POLG: variants seen among roughly 807,000 people sequenced by gnomAD.
POLG encodes the protein DNA polymerase subunit gamma-1.
Under a neutral mutation model 155.4 loss-of-function variants are expected in POLG, and 110 were observed. The ratio of observed to expected loss-of-function variants is 0.71; its 90% CI spans 0.61 to 0.83. POLG has a LOEUF of 0.83. POLG is among the 40% of genes least tolerant of loss of function. POLG has a pLI of 0.00. For missense variants in POLG, 1,685 were observed against 1,627.5 expected (o/e 1.04, Z -0.61); for synonymous variants, 701 against 631.5 (o/e 1.11, Z -1.65).
In POLG at chr15:89,326,655, C is replaced by G. The variant is rs1481695998; in HGVS notation, c.1669G>C (p.Glu557Gln). 20 of 1,613,982 alleles carry G rather than the reference C, an allele frequency of 1.2e-5. No homozygotes were observed. Among genetic ancestry groups the G allele is most frequent in the Non-Finnish European group, 1.7e-5 (20 of 1,180,030 alleles). Residue 557 changes from glutamate to glutamine, a missense_variant, in exon 9 of 23, where the codon GAG (glutamate) becomes CAG (glutamine). Around this residue, in one of 3 missense-constraint regions of POLG, gnomAD observed 1,210 missense variants for 1,167.1 expected, o/e 1.04. Coordinates refer to ENST00000268124, the MANE Select transcript of POLG (RefSeq NM_002693.3). ...ACLQKLKGTT[E>Q]LLPKRPQHLP... ...TGCTGGGGCCGCTTGGGCAGGAGCTCTGTGGTCCCCTTCAGCTTCTGCAAG... is the reference window on the plus strand; with the variant it reads ...TGCTGGGGCCGCTTGGGCAGGAGCTGTGTGGTCCCCTTCAGCTTCTGCAAG...
In POLG at chr15:89,317,509, C is replaced by G. The variant is rs1567184144; in HGVS notation, c.3510G>C (p.Leu1170=). ...TRCMFAYKLG[L]NDLPQSVAFF... is the part of the protein sequence containing the mutation. ...AGGCGACTGACTGGGGCAAGTCATT[C>G]AGACCCAGCTTGTAGGCAAACATGC... Residue 1170 remains leucine, a synonymous_variant, in exon 22 of 23, where the codon CTG becomes CTC. Coordinates refer to ENST00000268124, the MANE Select transcript of POLG (RefSeq NM_002693.3). 7.4e-6 allele frequency: 12 copies of G among 1,614,166 alleles called. No homozygotes were observed. Among genetic ancestry groups the G allele is most frequent in the Non-Finnish European group, 1.0e-5 (12 of 1,180,016 alleles).
intron 22 of POLG, 59 bp from the exon 23 acceptor site, chr15:89,316,886 G>T (rs2055286217): frequency 3.2e-6 from 4 of 1,248,508 alleles, no homozygotes; most frequent in Admixed American, 1.7e-5. Context: ...TGAGAGCTCA[G>T]AAGTGAGCAA....
At chr15:89,325,115 TGAGTGAGTGAGTGAGA>T (rs2055471633) in intron 10 of POLG, among the ~76,000 whole-genome samples, 2 of 29,258 alleles carry the variant, frequency 6.8e-5, no homozygotes, top group Non-Finnish European at 1.2e-4. Flanking sequence ...TGAGAGAGAG[TGAGTGAGTGAGTGAGA>T]GAGTGAGTGA....
chr15:89,318,534 C>A lies in POLG; in HGVS notation c.3482+7G>T, dbSNP rs200309191. 6.2e-7 allele frequency: 1 copy of A among 1,612,188 alleles called. No homozygotes were observed. On this transcript the variant is annotated splice_region_variant and intron_variant, in intron 21 of 22. Transcript: ENST00000268124. Reference sequence around the variant, plus strand: ...TGGCCAGGCTAGAGGCCATGGGCCCCGCATACCTGGTCAAGAGGTTGGTGA... The same window carrying A: ...TGGCCAGGCTAGAGGCCATGGGCCCAGCATACCTGGTCAAGAGGTTGGTGA...
chr15:89,325,415 C>T (rs1367134586), intron 10 of POLG, 35 bp downstream of exon 10: 12 of 1,455,052 alleles, frequency 8.2e-6, no homozygotes, highest in Non-Finnish European at 1.1e-5. Flanking sequence ...GGTCCCTAGG[C>T]TCCAGCCCCT....
Position 89,316,547 on chromosome 15 carries a change from C to T in POLG, c.*204G>A. On this transcript the variant is annotated 3_prime_UTR_variant, in exon 23 of 23. Transcript: ENST00000268124. ...AATGCCCCTTGTCCTGTAGTCCACA[C>T]CGATGTTGGCATCTTGGTTCTGAAC... 2 of 1,356,718 alleles carry T rather than the reference C, an allele frequency of 1.5e-6. No individual in the cohort carries two copies. The highest frequency in any genetic ancestry group is 1.9e-5 in the Admixed American group (1 of 51,356). 84.0% of individuals were successfully genotyped at this position (1,356,718 alleles called of 1,614,324 possible). A position where few individuals can be genotyped will look rare whatever the true frequency, so the allele number is the denominator to read the frequency against.
In POLG at chr15:89,330,072, G is replaced by T. The variant is rs759494484; in HGVS notation, c.855+9C>A. 1.9e-6 allele frequency: 3 copies of T among 1,612,898 alleles called. No homozygotes were observed. In the African/African-American group the frequency reaches 4.0e-5, roughly 22 times the overall value. On this transcript the variant is annotated intron_variant, in intron 3 of 22. Coordinates refer to ENST00000268124, the MANE Select transcript of POLG (RefSeq NM_002693.3). ...TGCCAGAACCTGCAGTTGGCCCCAG[G>T]AACCTTACCTGGATCAGGTACTGCT...
At chr15:89,317,588 G>C in intron 21 of POLG, 52 bp from the exon 22 acceptor site, 10 of 1,563,578 alleles carry the variant, frequency 6.4e-6, no homozygotes, top group Non-Finnish European at 8.8e-6. Context: ...GTGAACAGAT[G>C]CATCACTCCT....
chr15:89,325,213 AGTGAGT>A lies in POLG; in HGVS notation c.1949+231_1949+236del, dbSNP rs2055487854. On this transcript the variant is annotated intron_variant, in intron 10 of 22. Coordinates refer to ENST00000268124, the MANE Select transcript of POLG (RefSeq NM_002693.3). ...GAGTGAGAGAGTGAGTGAGAGAGTG[AGTGAGT>A]GAGAGAGTGAGTGAGAGAGTGAGTG... Among the ~76,000 whole-genome samples, 2 of 73,082 alleles carry A rather than the reference AGTGAGT, an allele frequency of 2.7e-5. 1 individual carries two copies. Among genetic ancestry groups the A allele is most frequent in the African/African-American group, 8.9e-5 (2 of 22,514 alleles). The allele number at this position is 73,082 out of a possible 152,430, so 47.9% of individuals were successfully genotyped here.
At position 89,325,227 on chromosome 15, in the gene POLG, TGAGTGAGA is replaced by T. The variant is rs1165596594; in HGVS notation, c.1949+215_1949+222del. 5.7e-4 allele frequency among the ~76,000 whole-genome samples: 24 copies of T among 41,856 alleles called. 4 individuals are homozygous for T. The highest frequency in any genetic ancestry group is 7.7e-4 in the African/African-American group (8 of 10,394). 27.5% of individuals were successfully genotyped at this position (41,856 alleles called of 152,430 possible). ...GTGAGAGAGTGAGTGAGTGAGAGAG[TGAGTGAGA>T]GAGTGAGTGAGTGAGAGAGAGAGTG... On this transcript the variant is annotated intron_variant, in intron 10 of 22. Transcript: ENST00000268124.
rs1326009837 is a variant in POLG, at chr15:89,325,223, AGAGTGAGTGAGAGAGTGAGTGAGT to A, written c.1949+203_1949+226del. ...GTGAGTGAGAGAGTGAGTGAGTGAG[AGAGTGAGTGAGAGAGTGAGTGAGT>A]GAGAGAGAGAGTGAGTGAGTGAGTG... On this transcript the variant is annotated intron_variant, in intron 10 of 22. Transcript: ENST00000268124. 1.0e-4 allele frequency among the ~76,000 whole-genome samples: 4 copies of A among 38,648 alleles called. 1 individual carries two copies. Among genetic ancestry groups the A allele is most frequent in the African/African-American group, 5.2e-4 (4 of 7,714 alleles). The allele number at this position is 38,648 out of a possible 152,430, so 25.4% of individuals were successfully genotyped here. A position where few individuals can be genotyped will look rare whatever the true frequency, so the allele number is the denominator to read the frequency against.
At chr15:89,319,207 T>C in intron 19 of POLG, 21 bp downstream of exon 19, 1 of 1,614,160 alleles carries the variant, frequency 6.2e-7, no homozygotes. Context: ...CCTCCATCCT[T>C]AACACAAAGA....
chr15:89,323,344 G>C, intron 13 of POLG, 60 bp downstream of exon 13: 1 of 1,063,768 alleles, frequency 9.4e-7, no homozygotes, highest in Non-Finnish European at 1.5e-6. Context: ...CTGAAGGCCT[G>C]CTGTGGGCCT....
chr15:89,325,183 T>G (rs868762760), intron 10 of POLG, among the ~76,000 whole-genome samples: 3 of 45,786 alleles, frequency 6.6e-5, no homozygotes, highest in Non-Finnish European at 1.2e-4. Flanking sequence ...AGTGAGAGAG[T>G]GAGTGAGTGA....
chr15:89,333,179 C>A lies in POLG; in HGVS notation c.576G>T (p.Glu192Asp), dbSNP rs866853042. Residue 192 changes from glutamate (E) to aspartate (D), a missense_variant, in exon 2 of 23, where the codon GAG (glutamate) becomes GAT (aspartate). This residue lies in a region of POLG where 1,210 missense variants were observed against 1,167.1 expected (regional missense o/e 1.04). Coordinates refer to ENST00000268124, the MANE Select transcript of POLG (RefSeq NM_002693.3). ...GEAVPVAIPEERALVFDVEVC... is the reference protein window; with the variant it reads ...GEAVPVAIPEDRALVFDVEVC... ...CCTCCACGTCGAACACCAGGGCCCG[C>A]TCCTCGGGGATGGCCACGGGTACGG... 4 of 1,567,068 alleles carry A rather than the reference C, an allele frequency of 2.6e-6. No homozygotes were observed. In the Middle Eastern group the frequency reaches 6.8e-4, roughly 267 times the overall value.
In POLG at chr15:89,328,773, C is replaced by G; in HGVS notation, c.1082G>C (p.Arg361Thr). The G allele has an allele frequency of 6.2e-7, 1 of 1,614,152 alleles. No homozygotes were observed. The highest frequency in any genetic ancestry group is 1.3e-5 in the African/African-American group (1 of 75,074). The stretch of plus-strand genomic sequence containing the variant: ...TAAGGGAGGCCCCCCTACATAAAGT[C>G]TGTGCACCTCTGCCAGACTGTTGAC... Reference protein sequence around the residue: ...SSVNSLAEVHRLYVGGPPLEK... With the variant: ...SSVNSLAEVHTLYVGGPPLEK... Residue 361 changes from arginine to threonine, a missense_variant, in exon 5 of 23, where the codon AGA becomes ACA. Physicochemically the swap from Arg to Thr is moderately conservative, Grantham distance 71. This residue lies in a region of POLG where 1,210 missense variants were observed against 1,167.1 expected (regional missense o/e 1.04). Transcript: ENST00000268124.
chr15:89,329,196 CCAGCCCCACCTCAGCTCCTCAAA>C, intron 3 of POLG, 86 bp from the exon 4 acceptor site: 1 of 1,139,782 alleles, frequency 8.8e-7, no homozygotes. Context: ...GTGTGGACCT[CCAGCCCCACCTCAGCTCCTCAAA>C]CAGCCTCCCC....
chr15:89,325,364 A>G (rs2055500523), intron 10 of POLG, 86 bp downstream of exon 10: 1 of 910,342 alleles, frequency 1.1e-6, no homozygotes, highest in African/African-American at 1.6e-5. Flanking sequence ...TCTTGAACCC[A>G]AACTCTTTCC....
In POLG at chr15:89,320,893, C is replaced by T. The variant is rs531744363; in HGVS notation, c.2854G>A (p.Gly952Ser). 4 of 1,613,912 alleles carry T rather than the reference C, an allele frequency of 2.5e-6. No homozygotes were observed. The highest frequency in any genetic ancestry group is 1.1e-5 in the South Asian group (1 of 91,084). ...GGCTGCCCAGCACCATAGATGCGGC[C>T]GTAGTTGAAGATTTTGGCATGCTCA... Reference protein sequence around the residue: ...SREHAKIFNYGRIYGAGQPFA... With the variant: ...SREHAKIFNYSRIYGAGQPFA... The change falls in exon 18 of 23, where the codon GGC (glycine) becomes AGC (serine). Residue 952 changes from glycine to serine, a missense_variant. This residue lies in a region of POLG where 470 missense variants were observed against 439.9 expected (regional missense o/e 1.07). Coordinates refer to ENST00000268124, the MANE Select transcript of POLG (RefSeq NM_002693.3).
Sources: allele counts gnomAD v4.1 joint callset (sites outside exome capture counted in the v4.1 genomes callset), GRCh38; gene constraint gnomAD v4.1.1; regional missense constraint gnomAD v4.1.1; transcripts MANE v1.5; gene names NCBI Gene and HGNC (gene_info 2026-07-23, HGNC 2026-07-21).